Variants in GRIK3 observed in about 807,000 individuals in gnomAD.
GRIK3 encodes the protein glutamate receptor ionotropic, kainate 3.
A neutral mutation model predicts 102.5 loss-of-function variants in GRIK3; 29 were observed. The observed-to-expected ratio is 0.28, with a 90% CI of 0.21 to 0.39. The LOEUF is 0.39. GRIK3 is among the 10% of genes least tolerant of loss of function. GRIK3 has a pLI of 1.00. For synonymous variants in GRIK3, 511 were observed against 504.9 expected (o/e 1.01, Z -0.16); for missense variants, 908 against 1,252.4 (o/e 0.73, Z 4.15).
chr1:36,977,696 G>A (rs1041351474), intron 1 of GRIK3, among the ~76,000 whole-genome samples: 2 of 152,204 alleles, frequency 1.3e-5, no homozygotes, highest in Admixed American at 6.5e-5. Flanking sequence ...GCCCTGCCTT[G>A]CTGAAGAGGG....
At chr1:36,958,444 G>T (rs1641953145) in intron 1 of GRIK3, among the ~76,000 whole-genome samples, 1 of 143,892 alleles carries the variant, frequency 6.9e-6, no homozygotes, top group South Asian at 2.3e-4. Context: ...TGTGCCCCGA[G>T]TCTGTGTGCC....
At chr1:36,846,797 G>T (rs1417567830) in intron 9 of GRIK3, among the ~76,000 whole-genome samples, 5 of 152,228 alleles carry the variant, frequency 3.3e-5, no homozygotes, top group African/African-American at 1.2e-4. Context: ...TGGAGCATCT[G>T]GAGCAGCTCT....
chr1:36,985,611 T>C (rs1049598120), intron 1 of GRIK3, among the ~76,000 whole-genome samples: 6 of 152,120 alleles, frequency 3.9e-5, no homozygotes, highest in Non-Finnish European at 8.8e-5. Context: ...GTCTCAGGTG[T>C]GGCAGTGGGA....
At position 36,916,844 on chromosome 1, in the gene GRIK3, A is replaced by C. The variant is rs180908700; in HGVS notation, c.116-25748T>G. Among the ~76,000 whole-genome samples the C allele has an allele frequency of 9.2e-5, 14 of 152,312 alleles. No homozygotes were observed. The East Asian group carries it at 2.7e-3, about 29-fold the overall frequency. On this transcript the variant is annotated intron_variant, in intron 1 of 15. Transcript: ENST00000373091. ...TCTGCTAGGGTAGCGCAGAAGGGAA[A>C]TGTGGGGTTGGAGCCCCCATGCAGA...
At chr1:36,989,148 G>A (rs907786242) in intron 1 of GRIK3, among the ~76,000 whole-genome samples, 5 of 151,750 alleles carry the variant, frequency 3.3e-5, no homozygotes, top group Admixed American at 1.3e-4. Flanking sequence ...TCACATTCCC[G>A]TACACATGCT....
intron 5 of GRIK3, among the ~76,000 whole-genome samples, chr1:36,864,955 G>T (rs1640766871): frequency 6.6e-6 from 1 of 151,958 alleles, no homozygotes; most frequent in Non-Finnish European, 1.5e-5. Context: ...GATGCCAAAT[G>T]TTGACACACT....
rs1369803190 is a variant in GRIK3, at chr1:36,805,109, C to T, written c.2443G>A (p.Ala815Thr). Reference sequence around the variant, plus strand: ...CCCCCGATCTTCTGGATCCCCAGGGCACTGGCCTCTTTGTTTTCCTCCTCA... The same window carrying T: ...CCCCCGATCTTCTGGATCCCCAGGGTACTGGCCTCTTTGTTTTCCTCCTCA... ...CPEEENKEAS[A>T]LGIQKIGGIF... is the part of the protein sequence containing the mutation. Residue 815 changes from alanine (A) to threonine (T), a missense_variant, in exon 15 of 16, where the codon GCC (alanine) becomes ACC (threonine). Transcript: ENST00000373091. 2 of 1,614,236 alleles carry T rather than the reference C, an allele frequency of 1.2e-6. No individual in the cohort carries two copies. The highest frequency in any genetic ancestry group is 4.5e-5 in the East Asian group (2 of 44,886).
At chr1:36,889,255 TG>T (rs1641075913) in intron 2 of GRIK3, among the ~76,000 whole-genome samples, 1 of 151,530 alleles carries the variant, frequency 6.6e-6, no homozygotes, top group African/African-American at 2.4e-5. Flanking sequence ...AAGGATGAGT[TG>T]GCCAGGCAAA....
intron 1 of GRIK3, among the ~76,000 whole-genome samples, chr1:36,900,072 C>T (rs191193598): frequency 2.5e-4 from 38 of 152,314 alleles, no homozygotes; most frequent in African/African-American, 8.7e-4. Flanking sequence ...CTATAGACTA[C>T]TTCAGTCAAC....
At chr1:36,946,016 A>G (rs549998) in intron 1 of GRIK3, among the ~76,000 whole-genome samples, 9,369 of 152,288 alleles carry the variant, frequency 0.062, 942 homozygotes, top group African/African-American at 0.21. Context: ...GGGGACACCC[A>G]TGAGAATGAC....
intron 1 of GRIK3, among the ~76,000 whole-genome samples, chr1:36,918,170 C>A (rs1257903557): frequency 6.6e-6 from 1 of 152,242 alleles, no homozygotes; most frequent in East Asian, 1.9e-4. Flanking sequence ...GAACCCAAAG[C>A]AGCTCTGAAG....
intron 1 of GRIK3, among the ~76,000 whole-genome samples, chr1:36,950,210 G>C (rs1230633046): frequency 6.6e-6 from 1 of 152,134 alleles, no homozygotes; most frequent in African/African-American, 2.4e-5. Flanking sequence ...AAAAGAAGTG[G>C]CTTGCCAAAG....
intron 1 of GRIK3, among the ~76,000 whole-genome samples, chr1:36,961,066 A>C (rs1642003461): frequency 1.3e-5 from 2 of 152,364 alleles, no homozygotes; most frequent in South Asian, 4.1e-4. Flanking sequence ...CAGGAACAGC[A>C]GCTCTCTTGT....
At chr1:36,817,965 C>T (rs2124190288) in intron 12 of GRIK3, among the ~76,000 whole-genome samples, 1 of 152,326 alleles carries the variant, frequency 6.6e-6, no homozygotes, top group East Asian at 1.9e-4. Flanking sequence ...TATGACTTTT[C>T]TTCCCCGACC....
intron 1 of GRIK3, among the ~76,000 whole-genome samples, chr1:36,918,876 T>C (rs554882557): frequency 6.6e-6 from 1 of 152,246 alleles, no homozygotes; most frequent in Non-Finnish European, 1.5e-5. Context: ...TCTCATTCAT[T>C]CATTCACTCA....
intron 1 of GRIK3, among the ~76,000 whole-genome samples, chr1:37,025,496 C>T (rs1642756891): frequency 6.6e-6 from 1 of 152,298 alleles, no homozygotes; most frequent in South Asian, 2.1e-4. Context: ...GTCTTTTCAG[C>T]CTAGATTATT....
intron 1 of GRIK3, among the ~76,000 whole-genome samples, chr1:37,010,552 A>G (rs183781670): frequency 4.3e-4 from 66 of 152,174 alleles, no homozygotes; most frequent in African/African-American, 1.5e-3. Flanking sequence ...AGGGGGTGCT[A>G]TTCATAATTA....
chr1:36,911,867 G>C (rs1358466529), intron 1 of GRIK3, among the ~76,000 whole-genome samples: 3 of 152,114 alleles, frequency 2.0e-5, no homozygotes, highest in African/African-American at 7.2e-5. Context: ...TGGAGATCTA[G>C]AGCCACCATG....
intron 1 of GRIK3, among the ~76,000 whole-genome samples, chr1:37,003,791 T>C (rs1642504038): frequency 6.6e-6 from 1 of 152,168 alleles, no homozygotes; most frequent in Non-Finnish European, 1.5e-5. Context: ...ATTTACAAAG[T>C]CTGAGTCCAG....
Sources: allele counts gnomAD v4.1 joint callset (sites outside exome capture counted in the v4.1 genomes callset), GRCh38; gene constraint gnomAD v4.1.1; transcripts MANE v1.5; gene names NCBI Gene and HGNC (gene_info 2026-07-23, HGNC 2026-07-21).